HDAC9: variants seen among roughly 807,000 people sequenced by gnomAD.
The protein encoded by HDAC9 is MEF-2 interacting transcription repressor (MITR) protein.
A neutral mutation model predicts 139.4 loss-of-function variants in HDAC9; 41 were observed. The ratio of observed to expected loss-of-function variants is 0.29; its 90% CI spans 0.23 to 0.38. HDAC9 has a LOEUF of 0.38. Ranked by LOEUF, HDAC9 falls within the 10% of genes least tolerant of loss-of-function variation. The pLI is 1.00. For missense variants in HDAC9, 1,147 were observed against 1,297.0 expected, an observed-to-expected ratio of 0.88 and a Z score of 1.78; for synonymous variants, 517 against 476.2, an observed-to-expected ratio of 1.09 and a Z score of -1.12.
In HDAC9 at chr7:18,786,701, T is replaced by G. The variant is rs1293036857; in HGVS notation, c.2215-6644T>G. Reference sequence around the variant, plus strand: ...TCCTTTTTGCTCACATATCCCTTTCTGTGTCCTCGGTTTCTGTTGCATGCG... The same window carrying G: ...TCCTTTTTGCTCACATATCCCTTTCGGTGTCCTCGGTTTCTGTTGCATGCG... On this transcript the variant is annotated intron_variant, in intron 16 of 25. Transcript: ENST00000686413. 2.3e-5 allele frequency among the ~76,000 whole-genome samples: 3 copies of G among 132,738 alleles called. 1 individual carries two copies. Among genetic ancestry groups the G allele is most frequent in the Non-Finnish European group, 4.7e-5 (3 of 63,498 alleles). 87.1% of individuals were successfully genotyped at this position (132,738 alleles called of 152,430 possible). A position where few individuals can be genotyped will look rare whatever the true frequency, so the allele number is the denominator to read the frequency against.
At chr7:18,282,207 G>A (rs977444214) in intron 2 of HDAC9, among the ~76,000 whole-genome samples, 4 of 152,126 alleles carry the variant, frequency 2.6e-5, no homozygotes, top group African/African-American at 9.7e-5. Context: ...GGTTTTGACT[G>A]TCTACAATGT....
intron 2 of HDAC9, among the ~76,000 whole-genome samples, chr7:18,179,840 A>G (rs1462289351): frequency 6.6e-6 from 1 of 152,182 alleles, no homozygotes; most frequent in Admixed American, 6.5e-5. Context: ...AAAAGATGTA[A>G]TTGTACAAGA....
At chr7:18,645,307 T>C (rs1345272024) in intron 9 of HDAC9, among the ~76,000 whole-genome samples, 1 of 152,194 alleles carries the variant, frequency 6.6e-6, no homozygotes, top group Non-Finnish European at 1.5e-5. Context: ...GACTCTCTGG[T>C]ACTGGCGAAT....
chr7:18,260,912 G>T (rs945423843), intron 2 of HDAC9, among the ~76,000 whole-genome samples: 1 of 152,176 alleles, frequency 6.6e-6, no homozygotes, highest in African/African-American at 2.4e-5. Context: ...TGTGTATGGA[G>T]AAGGTAACAG....
At chr7:18,807,381 C>T (rs1403555332) in intron 17 of HDAC9, among the ~76,000 whole-genome samples, 6 of 151,962 alleles carry the variant, frequency 3.9e-5, no homozygotes, top group South Asian at 2.1e-4. Context: ...TTCATCTTGT[C>T]TGAAACCAAC....
At chr7:18,174,522 G>A (rs544992992) in intron 2 of HDAC9, among the ~76,000 whole-genome samples, 30 of 152,344 alleles carry the variant, frequency 2.0e-4, no homozygotes, top group African/African-American at 7.2e-4. Flanking sequence ...CTTTGGAGGA[G>A]AAGAGGTGCT....
At chr7:18,548,277 A>G (rs1250066170) in intron 2 of HDAC9, among the ~76,000 whole-genome samples, 1 of 152,164 alleles carries the variant, frequency 6.6e-6, no homozygotes, top group East Asian at 1.9e-4. Flanking sequence ...CAATTACACT[A>G]GTAACATCAA....
chr7:18,648,410 ATGTGTGTGTG>A, intron 10 of HDAC9, 46 bp from the exon 11 acceptor site: 14 of 1,056,304 alleles, frequency 1.3e-5, no homozygotes, highest in Non-Finnish European at 1.9e-5. Context: ...GTGTGTGTGT[ATGTGTGTGTG>A]TGTGTGTGTG....
intron 8 of HDAC9, among the ~76,000 whole-genome samples, chr7:18,637,198 A>G (rs1251938746): frequency 1.3e-5 from 2 of 152,096 alleles, no homozygotes; most frequent in East Asian, 3.9e-4. Context: ...CACAAAATTT[A>G]GCATGATGAT....
chr7:18,833,155 C>T (rs1259357021), intron 19 of HDAC9, among the ~76,000 whole-genome samples: 1 of 152,122 alleles, frequency 6.6e-6, no homozygotes, highest in Non-Finnish European at 1.5e-5. Flanking sequence ...TCAAGAATTG[C>T]CCCATTAGAA....
intron 2 of HDAC9, among the ~76,000 whole-genome samples, chr7:18,547,984 G>A (rs1815732740): frequency 6.6e-6 from 1 of 150,924 alleles, no homozygotes; most frequent in Non-Finnish European, 1.5e-5. Flanking sequence ...CTCTCCACCT[G>A]TCTTGGCTGT....
At chr7:18,318,654 T>G (rs181489040) in intron 1 of HDAC9, among the ~76,000 whole-genome samples, 12 of 152,204 alleles carry the variant, frequency 7.9e-5, no homozygotes, top group African/African-American at 2.9e-4. Flanking sequence ...TAACTACTGA[T>G]GATGATCAAT....
At chr7:18,984,442 A>C (rs757264158) in intron 25 of HDAC9, among the ~76,000 whole-genome samples, 1 of 152,184 alleles carries the variant, frequency 6.6e-6, no homozygotes, top group Non-Finnish European at 1.5e-5. Flanking sequence ...TGTTTTCAGT[A>C]TTAAGCTTTC....
At chr7:18,495,606 A>G (rs559544664), upstream of HDAC9, 15 of 266,124 alleles carry the variant, frequency 5.6e-5, no homozygotes, top group South Asian at 2.0e-3. Flanking sequence ...GGCTCCAATC[A>G]CTCGGCCATG....
At chr7:18,679,174 A>G (rs913468246) in intron 12 of HDAC9, among the ~76,000 whole-genome samples, 1 of 151,944 alleles carries the variant, frequency 6.6e-6, no homozygotes, top group Non-Finnish European at 1.5e-5. Context: ...GGTCCTACCA[A>G]GTCAGTTCTC....
chr7:18,127,488 T>A (rs537289625), intron 1 of HDAC9, among the ~76,000 whole-genome samples: 43 of 152,164 alleles, frequency 2.8e-4, no homozygotes, highest in African/African-American at 1.0e-3. Context: ...TTAACCCCAT[T>A]CTTTGCTTCT....
chr7:18,699,975 C>G (rs1206647950), intron 12 of HDAC9, among the ~76,000 whole-genome samples: 4 of 151,840 alleles, frequency 2.6e-5, no homozygotes, highest in African/African-American at 4.8e-5. Flanking sequence ...TAACGTTGTT[C>G]TGTGTTCCTA....
At chr7:18,662,846 A>G (rs28711567) in intron 11 of HDAC9, among the ~76,000 whole-genome samples, 1 of 152,228 alleles carries the variant, frequency 6.6e-6, no homozygotes, top group East Asian at 1.9e-4. Flanking sequence ...GGGTGTAGTC[A>G]TGAATTTGGA....
At chr7:18,142,757 T>C (rs1368813497) in intron 1 of HDAC9, among the ~76,000 whole-genome samples, 1 of 152,212 alleles carries the variant, frequency 6.6e-6, no homozygotes, top group Non-Finnish European at 1.5e-5. Context: ...TCCCTTGAAA[T>C]GAACAGCTCC....
Sources: allele counts gnomAD v4.1 joint callset (sites outside exome capture counted in the v4.1 genomes callset), GRCh38; gene constraint gnomAD v4.1.1; transcripts MANE v1.5; gene names NCBI Gene and HGNC (gene_info 2026-07-23, HGNC 2026-07-21).